Variants in MAP3K20 observed in about 807,000 individuals in gnomAD.
MAP3K20 encodes mitogen-activated protein kinase kinase kinase 20.
Under a neutral mutation model 85.7 loss-of-function variants are expected in MAP3K20, and 40 were observed. The observed-to-expected ratio is 0.47, with a 90% CI of 0.36 to 0.61. MAP3K20 has a LOEUF of 0.61. Among genes scored for constraint, MAP3K20 ranks in the 20% least tolerant of loss-of-function variants. The pLI, the probability that MAP3K20 is intolerant of heterozygous loss-of-function variation, is 0.00. For missense variants in MAP3K20, 817 were observed against 961.7 expected, an observed-to-expected ratio of 0.85 and a Z score of 1.99; for synonymous variants, 325 against 327.7, an observed-to-expected ratio of 0.99 and a Z score of 0.09.
intron 2 of MAP3K20, among the ~76,000 whole-genome samples, chr2:173,100,360 G>A (rs1421796744): frequency 6.6e-6 from 1 of 152,200 alleles, no homozygotes; most frequent in Non-Finnish European, 1.5e-5. Context: ...AAGTTAAGCA[G>A]CCTGCCTAAT....
In MAP3K20 at chr2:173,243,769, T is replaced by G. The variant is rs368893504; in HGVS notation, c.1359+4273T>G. 1.4e-3 allele frequency among the ~76,000 whole-genome samples: 211 copies of G among 152,094 alleles called. 1 individual carries two copies. The highest frequency in any genetic ancestry group is 3.5e-3 in the African/African-American group (145 of 41,488). ...AATAGCTGGGACTACAACTACAGGCTCCCGCCACCACGCCCGGCTAATTTT... is the reference window on the plus strand; with the variant it reads ...AATAGCTGGGACTACAACTACAGGCGCCCGCCACCACGCCCGGCTAATTTT... On this transcript the variant is annotated intron_variant, in intron 16 of 19. Coordinates refer to ENST00000375213, the MANE Select transcript of MAP3K20 (RefSeq NM_016653.3).
At chr2:173,155,276 G>A (rs973993776) in intron 2 of MAP3K20, among the ~76,000 whole-genome samples, 2 of 152,134 alleles carry the variant, frequency 1.3e-5, no homozygotes, top group African/African-American at 4.8e-5. Flanking sequence ...AATCTATTGA[G>A]GATGAAAAAG....
At chr2:173,210,045 T>C in intron 10 of MAP3K20, 1 of 556,378 alleles carries the variant, frequency 1.8e-6, no homozygotes. Context: ...TGTTGCCTTG[T>C]GTAAGTATTT....
At chr2:173,197,436 G>A (rs1482725125) in intron 7 of MAP3K20, among the ~76,000 whole-genome samples, 1 of 152,134 alleles carries the variant, frequency 6.6e-6, no homozygotes, top group East Asian at 1.9e-4. Context: ...ATTGTAGGTA[G>A]ATGAAAATAG....
intron 2 of MAP3K20, among the ~76,000 whole-genome samples, chr2:173,136,358 C>T (rs1688800170): frequency 6.6e-6 from 1 of 152,140 alleles, no homozygotes; most frequent in Non-Finnish European, 1.5e-5. Flanking sequence ...GATCAAGAGC[C>T]TGCAGATTAC....
intron 16 of MAP3K20, among the ~76,000 whole-genome samples, chr2:173,242,611 C>T (rs1402988961): frequency 6.7e-6 from 1 of 149,586 alleles, no homozygotes; most frequent in African/African-American, 2.5e-5. Flanking sequence ...ATGTAGACTT[C>T]TTGAGTCATA....
At chr2:173,221,017 T>G in intron 11 of MAP3K20, 5 of 667,060 alleles carry the variant, frequency 7.5e-6, no homozygotes, top group Non-Finnish European at 1.1e-5. Context: ...TCTCACATAA[T>G]TCCCTACATT....
intron 2 of MAP3K20, among the ~76,000 whole-genome samples, chr2:173,162,664 C>T (rs188330648): frequency 2.0e-4 from 28 of 138,306 alleles, no homozygotes; most frequent in African/African-American, 5.8e-4. Flanking sequence ...CCAGCCTGGG[C>T]GACAAGAATG....
At chr2:173,230,498 T>C (rs952427895) in intron 12 of MAP3K20, among the ~76,000 whole-genome samples, 1 of 152,142 alleles carries the variant, frequency 6.6e-6, no homozygotes, top group African/African-American at 2.4e-5. Context: ...CAAGTGGGAA[T>C]AGACACAAGC....
At chr2:173,201,974 A>T (rs1326821454) in intron 8 of MAP3K20, among the ~76,000 whole-genome samples, 9 of 152,194 alleles carry the variant, frequency 5.9e-5, no homozygotes, top group Non-Finnish European at 1.2e-4. Context: ...GCCAGCTCAC[A>T]TTCAGTTCTC....
rs1210729581 is a variant in MAP3K20, at chr2:173,261,072, G to A, written c.1486G>A (p.Val496Ile). ...AACTTTTGTTTTTCAGCCACCATTTGTAATGGAGAAGTGGATTGTAGGAAT... is the reference window on the plus strand; with the variant it reads ...AACTTTTGTTTTTCAGCCACCATTTATAATGGAGAAGTGGATTGTAGGAAT... ...EILKMTKPPF[V>I]MEKWIVGIAK... is the part of the protein sequence containing the mutation. The change falls in exon 18 of 20, where the codon GTA becomes ATA. Residue 496 changes from valine (V) to isoleucine (I), a missense_variant. This residue lies in a region of MAP3K20 where 454 missense variants were observed against 476.9 expected (regional missense o/e 0.95). Coordinates refer to ENST00000375213, the MANE Select transcript of MAP3K20 (RefSeq NM_016653.3). The A allele has an allele frequency of 1.2e-6, 2 of 1,613,376 alleles. No homozygotes were observed. The highest frequency in any genetic ancestry group is 1.3e-5 in the African/African-American group (1 of 74,918).
Position 173,217,153 on chromosome 2 carries a change from T to G in MAP3K20, c.890T>G (p.Leu297Arg), listed in dbSNP as rs541711802. ...IEATLERLKKLERDLSFKEQE... is the reference protein window; with the variant it reads ...IEATLERLKKRERDLSFKEQE... The stretch of plus-strand genomic sequence containing the variant: ...GCAACTCTTGAGAGGCTAAAGAAAC[T>G]AGAGCGTGATCTCAGCTTTAAGGAG... Residue 297 changes from leucine (L) to arginine (R), a missense_variant, in exon 11 of 20, where the codon CTA (leucine) becomes CGA (arginine). Transcript: ENST00000375213. 6.2e-7 allele frequency: 1 copy of G among 1,602,308 alleles called. No homozygotes were observed. The highest frequency in any genetic ancestry group is 8.5e-7 in the Non-Finnish European group (1 of 1,174,264).
intron 2 of MAP3K20, among the ~76,000 whole-genome samples, chr2:173,113,293 G>T (rs1688024670): frequency 6.6e-6 from 1 of 151,896 alleles, no homozygotes; most frequent in African/African-American, 2.4e-5. Context: ...TTCTTTGCTT[G>T]GTTAATCTTG....
intron 3 of MAP3K20, among the ~76,000 whole-genome samples, chr2:173,177,585 T>A (rs1690199851): frequency 6.6e-6 from 1 of 151,300 alleles, no homozygotes; most frequent in Admixed American, 6.6e-5. Context: ...GTAGCCACCA[T>A]GCCCGGCTAA....
intron 2 of MAP3K20, among the ~76,000 whole-genome samples, chr2:173,132,478 AC>A (rs1688646123): frequency 6.6e-6 from 1 of 151,932 alleles, no homozygotes; most frequent in South Asian, 2.1e-4. Context: ...ATGCATTTCT[AC>A]CCCTTCCCTG....
chr2:173,256,514 T>TAGAC (rs1247379365), intron 16 of MAP3K20, among the ~76,000 whole-genome samples: 1,225 of 44,974 alleles, frequency 0.027, 20 homozygotes, highest in African/African-American at 0.061. Flanking sequence ...GATAGATAGA[T>TAGAC]AGATAGATAG....
chr2:173,225,156 G>A (rs1684349735), intron 11 of MAP3K20: 1 of 984,800 alleles, frequency 1.0e-6, no homozygotes. Flanking sequence ...CTCAACTGGG[G>A]CGGTGCTGTC....
intron 2 of MAP3K20, among the ~76,000 whole-genome samples, chr2:173,133,820 T>TAA (rs796823000): frequency 1.4e-5 from 2 of 142,134 alleles, no homozygotes; most frequent in African/African-American, 5.2e-5. Context: ...CCATCTCTAC[T>TAA]AAAAAAAAAA....
chr2:173,198,077 T>A lies in MAP3K20; in HGVS notation c.634T>A (p.Leu212Ile), dbSNP rs757734813. 1.2e-6 allele frequency: 2 copies of A among 1,613,194 alleles called. No homozygotes were observed. The highest frequency in any genetic ancestry group is 1.7e-6 in the Non-Finnish European group (2 of 1,179,378). Residue 212 changes from leucine (L) to isoleucine (I), a missense_variant, in exon 8 of 20, where the codon TTA (leucine) becomes ATA (isoleucine). Leu to Ile is a conservative substitution (Grantham distance 5). Transcript: ENST00000375213. The surrounding 1 kb of genome is among the most constrained non-coding windows in gnomAD (Gnocchi z 5.8). The stretch of plus-strand genomic sequence containing the variant: ...GGTCCCCTTTAAAGGTTTGGAAGGA[T>A]TACAAGTAGCTTGGCTTGTAGTGGA... ...REVPFKGLEG[L>I]QVAWLVVEKN...
Sources: gnomAD v4.1 joint callset for allele counts (sites outside exome capture counted in the v4.1 genomes callset) on GRCh38, gnomAD v4.1.1 for gene constraint, gnomAD v4.1.1 regional missense constraint, Gnocchi (gnomAD v3.1) non-coding constraint, MANE v1.5 for transcripts, NCBI Gene and HGNC (gene_info 2026-07-23, HGNC 2026-07-21) for gene names.